BEAN1: variants seen among roughly 807,000 people sequenced by gnomAD.
The protein encoded by BEAN1 is protein BEAN1.
A neutral mutation model predicts 17.7 loss-of-function variants in BEAN1; 17 were observed. The observed-to-expected ratio is 0.96, with a 90% CI of 0.66 to 1.44. The LOEUF is 1.44. Ranked by LOEUF, BEAN1 falls within the 40% of genes most tolerant of loss-of-function variation. The pLI, the probability that BEAN1 is intolerant of heterozygous loss-of-function variation, is 0.00. For missense variants in BEAN1, 359 were observed against 374.1 expected, an observed-to-expected ratio of 0.96 and a Z score of 0.33; for synonymous variants, 142 against 151.8, an observed-to-expected ratio of 0.94 and a Z score of 0.47.
rs768135296 is a variant in BEAN1, at chr16:66,480,702, G to A, written c.557G>A (p.Ser186Asn). The A allele has an allele frequency of 6.4e-7, 1 of 1,551,666 alleles. No homozygotes were observed. The highest frequency in any genetic ancestry group is 1.2e-5 in the South Asian group (1 of 84,062). ...CTGGATGGCACCTCCGACTCAGGCA[G>A]CGGCCACAGCCCTGGCCGACACCAG... ...PTLDGTSDSGSGHSPGRHQQE... is the reference protein window; with the variant it reads ...PTLDGTSDSGNGHSPGRHQQE... Residue 186 changes from serine (S) to asparagine (N), a missense_variant, in exon 5 of 5, where the codon AGC becomes AAC. By Grantham distance (46) the Ser-to-Asn change is conservative. Transcript: ENST00000536005.
chr16:66,472,125 C>T (rs1448349256), intron 3 of BEAN1, among the ~76,000 whole-genome samples: 1 of 152,242 alleles, frequency 6.6e-6, no homozygotes, highest in Non-Finnish European at 1.5e-5. Context: ...AAAAGCCTTC[C>T]AGGCCCCGCT....
intron 4 of BEAN1, among the ~76,000 whole-genome samples, chr16:66,489,389 C>G (rs1964134342): frequency 6.6e-6 from 1 of 152,186 alleles, no homozygotes. Context: ...TCTTTGACCC[C>G]AGGCTGTGAT....
downstream of BEAN1, chr16:66,484,988 A>G (rs1318445415): frequency 1.1e-5 from 5 of 454,030 alleles, no homozygotes; most frequent in East Asian, 3.5e-4. The surrounding 1 kb of genome is among the most constrained non-coding windows in gnomAD (Gnocchi z 4.2). Context: ...ATAGTCCACA[A>G]GAGCCATCAT....
At chr16:66,452,508 A>T (rs748500672) in intron 2 of BEAN1, among the ~76,000 whole-genome samples, 3 of 152,202 alleles carry the variant, frequency 2.0e-5, no homozygotes, top group Non-Finnish European at 2.9e-5. Context: ...TTGCTGTCCC[A>T]CCAGAAAGGC....
At chr16:66,465,938 C>A (rs1390503351) in intron 2 of BEAN1, among the ~76,000 whole-genome samples, 2 of 152,178 alleles carry the variant, frequency 1.3e-5, no homozygotes, top group Non-Finnish European at 2.9e-5. Context: ...GTAGTAACAC[C>A]TGTAACTGGG....
chr16:66,447,680 C>G (rs1596996835), intron 2 of BEAN1, among the ~76,000 whole-genome samples: 1 of 152,188 alleles, frequency 6.6e-6, no homozygotes, highest in Non-Finnish European at 1.5e-5. Flanking sequence ...GTGCCTGACC[C>G]CATCACCAAC....
chr16:66,477,734 G>C, intron 4 of BEAN1, 24 bp downstream of exon 4: 1 of 1,521,620 alleles, frequency 6.6e-7, no homozygotes, highest in Non-Finnish European at 8.8e-7. Flanking sequence ...ATGGGGAAGG[G>C]GGCATCAGAG....
intron 4 of BEAN1, chr16:66,492,875 C>A: frequency 1.6e-6 from 1 of 622,712 alleles, no homozygotes; most frequent in East Asian, 2.7e-5. Flanking sequence ...CCCTCGGCAC[C>A]AGCCCTTGGT....
intron 3 of BEAN1, among the ~76,000 whole-genome samples, 187 bp from the exon 4 acceptor site, chr16:66,477,373 C>T (rs751008861): frequency 8.5e-5 from 13 of 152,214 alleles, no homozygotes; most frequent in Non-Finnish European, 1.6e-4. Flanking sequence ...TATCCCCATG[C>T]CCAACACGAC....
At chr16:66,430,242 T>C (rs1961745509) in intron 1 of BEAN1, among the ~76,000 whole-genome samples, 1 of 152,246 alleles carries the variant, frequency 6.6e-6, no homozygotes, top group African/African-American at 2.4e-5. Flanking sequence ...AGTGGACCTC[T>C]GCCAGTGGCC....
At chr16:66,468,108 C>T (rs560210209) in intron 2 of BEAN1, among the ~76,000 whole-genome samples, 4 of 152,360 alleles carry the variant, frequency 2.6e-5, no homozygotes, top group Non-Finnish European at 5.9e-5. Flanking sequence ...TGGCCACCCA[C>T]GCTCTCCTTG....
chr16:66,481,006 C>G lies in BEAN1; in HGVS notation c.*81C>G, dbSNP rs890513996. On this transcript the variant is annotated 3_prime_UTR_variant, in exon 5 of 5. Coordinates refer to ENST00000536005, the MANE Select transcript of BEAN1 (RefSeq NM_001178020.3). This position sits in a 1 kb window ranked among gnomAD's most constrained non-coding sequence, Gnocchi z 4.1. ...GCACACAAAGGCGTGCACACACACACAGAGATGCACACGTGACTCATAACA... is the reference window on the plus strand; with the variant it reads ...GCACACAAAGGCGTGCACACACACAGAGAGATGCACACGTGACTCATAACA... 1.1e-5 allele frequency: 13 copies of G among 1,170,496 alleles called. No individual in the cohort carries two copies. Among genetic ancestry groups the G allele is most frequent in the South Asian group, 3.3e-5 (2 of 60,760 alleles). 72.5% of individuals were successfully genotyped at this position (1,170,496 alleles called of 1,614,324 possible). A position where few individuals can be genotyped will look rare whatever the true frequency, so the allele number is the denominator to read the frequency against.
At position 66,480,573 on chromosome 16, in the gene BEAN1, T is replaced by G. The variant is rs1323165049; in HGVS notation, c.441-13T>G. 6 of 1,514,358 alleles carry G rather than the reference T, an allele frequency of 4.0e-6. No homozygotes were observed. Among genetic ancestry groups the G allele is most frequent in the Non-Finnish European group, 8.9e-7 (1 of 1,121,634 alleles). 93.8% of individuals were successfully genotyped at this position (1,514,358 alleles called of 1,614,324 possible). ...GCCTAGGTGGGGCACTGAGGGAGCC[T>G]CTTCTCTCGTAGCTACGAGGAGTGT... On this transcript the variant is annotated splice_polypyrimidine_tract_variant and intron_variant, in intron 4 of 4. Coordinates refer to ENST00000536005, the MANE Select transcript of BEAN1 (RefSeq NM_001178020.3).
intron 2 of BEAN1, among the ~76,000 whole-genome samples, chr16:66,468,731 G>A (rs542533174): frequency 1.3e-5 from 2 of 152,308 alleles, no homozygotes; most frequent in South Asian, 2.1e-4. Flanking sequence ...TCACTAATGC[G>A]GAGCTGACTG....
At chr16:66,456,761 G>A (rs1050851475) in intron 2 of BEAN1, among the ~76,000 whole-genome samples, 1 of 152,190 alleles carries the variant, frequency 6.6e-6, no homozygotes, top group African/African-American at 2.4e-5. Flanking sequence ...CTTTAAGCCG[G>A]AGTTAAAACC....
At chr16:66,438,478 A>G (rs1962119802) in intron 2 of BEAN1, among the ~76,000 whole-genome samples, 1 of 152,030 alleles carries the variant, frequency 6.6e-6, no homozygotes, top group African/African-American at 2.4e-5. Context: ...ACCACAAAGA[A>G]TGTTTCATGG....
intron 2 of BEAN1, among the ~76,000 whole-genome samples, chr16:66,459,274 A>G (rs537353574): frequency 6.6e-6 from 1 of 150,868 alleles, no homozygotes; most frequent in South Asian, 2.1e-4. Flanking sequence ...CACTCTGACC[A>G]CGCCCCTCTT....
intron 2 of BEAN1, among the ~76,000 whole-genome samples, chr16:66,449,053 T>C (rs1962568213): frequency 6.6e-6 from 1 of 152,024 alleles, no homozygotes; most frequent in Non-Finnish European, 1.5e-5. Context: ...ATCTTAGAAC[T>C]CCCCTGATGT....
intron 2 of BEAN1, among the ~76,000 whole-genome samples, chr16:66,454,526 G>A (rs1962792635): frequency 6.6e-6 from 1 of 151,854 alleles, no homozygotes; most frequent in Non-Finnish European, 1.5e-5. Context: ...AGTCTATTTT[G>A]CCTGATATCA....
Sources: gnomAD v4.1 joint callset for allele counts (sites outside exome capture counted in the v4.1 genomes callset) on GRCh38, gnomAD v4.1.1 for gene constraint, Gnocchi (gnomAD v3.1) non-coding constraint, MANE v1.5 for transcripts, NCBI Gene and HGNC (gene_info 2026-07-23, HGNC 2026-07-21) for gene names.